THSD7A: variants seen among roughly 807,000 people sequenced by gnomAD.
THSD7A encodes the protein thrombospondin type 1 domain containing 7A.
A neutral mutation model predicts 231.3 loss-of-function variants in THSD7A; 96 were observed. The observed-to-expected ratio is 0.41, with a 90% confidence interval of 0.35 to 0.49. The LOEUF (loss-of-function observed/expected upper bound fraction) is 0.49, where lower values mean the gene tolerates loss of function less well. Among genes scored for constraint, THSD7A ranks in the 20% least tolerant of loss-of-function variants. THSD7A has a pLI of 0.05. For missense variants in THSD7A, 2,290 were observed against 2,070.2 expected (o/e 1.11, Z -2.06); for synonymous variants, 940 against 743.3 (o/e 1.26, Z -4.30).
Position 11,371,743 on chromosome 7 carries a change from C to CTTTTTTTTTTTTT in THSD7A, c.*4038_*4050dup, listed in dbSNP as rs530610921. 9.8e-6 allele frequency: 1 copy of CTTTTTTTTTTTTT among 101,856 alleles called. No homozygotes were observed. Among genetic ancestry groups the CTTTTTTTTTTTTT allele is most frequent in the African/African-American group, 3.8e-5 (1 of 26,514 alleles). 6.3% of individuals were successfully genotyped at this position (101,856 alleles called of 1,614,324 possible). Reference sequence around the variant, plus strand: ...GCATGGACATTTTTACAGAAAAGGGCTTTTTTTTTTTTTTTTTTCCTGCAT... The same window carrying CTTTTTTTTTTTTT: ...GCATGGACATTTTTACAGAAAAGGGCTTTTTTTTTTTTTTTTTTTTTTTTTTTTTTTCCTGCAT... On this transcript the variant is annotated 3_prime_UTR_variant, in exon 28 of 28. Transcript: ENST00000423059.
intron 17 of THSD7A, among the ~76,000 whole-genome samples, 176 bp downstream of exon 17, chr7:11,417,273 CT>C (rs1298375736): frequency 6.6e-6 from 1 of 152,140 alleles, no homozygotes; most frequent in African/African-American, 2.4e-5. Flanking sequence ...ACATTACAGA[CT>C]TTAAATAGCA....
chr7:11,582,501 G>C (rs1025801777), intron 4 of THSD7A, among the ~76,000 whole-genome samples: 1 of 151,920 alleles, frequency 6.6e-6, no homozygotes, highest in African/African-American at 2.4e-5. Flanking sequence ...TGCTTAATTA[G>C]ACTATCCATG....
At chr7:11,798,221 G>A (rs1346558911) in intron 1 of THSD7A, among the ~76,000 whole-genome samples, 3 of 151,982 alleles carry the variant, frequency 2.0e-5, no homozygotes, top group East Asian at 1.9e-4. Context: ...AAATAAATAC[G>A]CAATTTGGGA....
intron 6 of THSD7A, among the ~76,000 whole-genome samples, chr7:11,486,843 T>A (rs1786679791): frequency 1.3e-5 from 2 of 152,192 alleles, no homozygotes; most frequent in Non-Finnish European, 1.5e-5. Flanking sequence ...TACAGAACAT[T>A]TATAAAACAG....
In THSD7A at chr7:11,446,068, G is replaced by T; in HGVS notation, c.3057C>A (p.Asn1019Lys). 1 of 1,613,208 alleles carries T rather than the reference G, an allele frequency of 6.2e-7. No individual in the cohort carries two copies. Among genetic ancestry groups the T allele is most frequent in the South Asian group, 1.1e-5 (1 of 91,054 alleles). The change falls in exon 13 of 28, where the codon AAC becomes AAA. Residue 1019 changes from asparagine to lysine, a missense_variant. Transcript: ENST00000423059. This position sits in a 1 kb window ranked among gnomAD's most constrained non-coding sequence, Gnocchi z 4.0. The part of the protein sequence containing the change: ...NGRLVETSRC[N>K]SHGYIEEACI... ...CAATGAAGATTGAATTACCATGGCTGTTACATCTAGATGTTTCCACAAGCC... is the reference window on the plus strand; with the variant it reads ...CAATGAAGATTGAATTACCATGGCTTTTACATCTAGATGTTTCCACAAGCC...
Position 11,754,240 on chromosome 7 carries a change from A to G in THSD7A, c.190+77517T>C, listed in dbSNP as rs145682183. On this transcript the variant is annotated intron_variant, in intron 1 of 27. Coordinates refer to ENST00000423059, the MANE Select transcript of THSD7A (RefSeq NM_015204.3). ...AAATGTTGTCTCTGAAAAATAGAGA[A>G]TATCAATAAAGAGACTGAAATGATA... Among the ~76,000 whole-genome samples, 64 of 152,176 alleles carry G rather than the reference A, an allele frequency of 4.2e-4. 1 individual carries two copies. The East Asian group carries it at 9.1e-3, about 22-fold the overall frequency.
At chr7:11,769,457 C>T (rs922189609) in intron 1 of THSD7A, among the ~76,000 whole-genome samples, 2 of 151,766 alleles carry the variant, frequency 1.3e-5, no homozygotes, top group Non-Finnish European at 2.9e-5. Flanking sequence ...CACCAGTGGG[C>T]TGCCATTTCA....
At chr7:11,667,950 TA>T (rs1189268069) in intron 1 of THSD7A, among the ~76,000 whole-genome samples, 2 of 152,184 alleles carry the variant, frequency 1.3e-5, no homozygotes, top group Non-Finnish European at 2.9e-5. Context: ...TCTTTTAGAA[TA>T]AGAAGAGGCT....
Position 11,488,157 on chromosome 7 carries a change from T to C in THSD7A, c.1823-6175A>G, listed in dbSNP as rs1000030685. Among the ~76,000 whole-genome samples the C allele has an allele frequency of 3.9e-5, 6 of 152,302 alleles. No individual in the cohort carries two copies. In the South Asian group the frequency reaches 1.2e-3, roughly 32 times the overall value. On this transcript the variant is annotated intron_variant, in intron 6 of 27. Transcript: ENST00000423059. ...TGTAATTTTGAGATTAGATTTCTCTTGCCAGATCTATACAAAATCCGGAGT... is the reference window on the plus strand; with the variant it reads ...TGTAATTTTGAGATTAGATTTCTCTCGCCAGATCTATACAAAATCCGGAGT...
chr7:11,663,960 TAATA>T (rs552802948), intron 1 of THSD7A, among the ~76,000 whole-genome samples: 149 of 151,814 alleles, frequency 9.8e-4, no homozygotes, highest in African/African-American at 3.6e-3. Context: ...TAATTTAAAA[TAATA>T]AATAAGGATA....
rs1182213210 is a variant in THSD7A at position 11,637,099 on chromosome 7, G to C, written c.191-138C>G. ...ACAAAGTAGGTCTCTGGACACGACT[G>C]TTGGAAAGTAATGATCCTCGCTAAG... On this transcript the variant is annotated intron_variant, in intron 1 of 27. Transcript: ENST00000423059. The surrounding 1 kb of genome is among the most constrained non-coding windows in gnomAD (Gnocchi z 4.2). The C allele has an allele frequency of 1.3e-6, 1 of 767,190 alleles. No individual in the cohort carries two copies. Among genetic ancestry groups the C allele is most frequent in the Non-Finnish European group, 2.1e-6 (1 of 487,588 alleles). 47.5% of individuals were successfully genotyped at this position (767,190 alleles called of 1,614,324 possible). A position where few individuals can be genotyped will look rare whatever the true frequency, so the allele number is the denominator to read the frequency against.
At chr7:11,619,002 T>A (rs1781215253) in intron 2 of THSD7A, among the ~76,000 whole-genome samples, 1 of 151,962 alleles carries the variant, frequency 6.6e-6, no homozygotes, top group Admixed American at 6.6e-5. Flanking sequence ...TAGTAATACA[T>A]AAAATTTAAA....
intron 1 of THSD7A, among the ~76,000 whole-genome samples, chr7:11,759,021 G>A (rs1353068121): frequency 6.6e-6 from 1 of 152,006 alleles, no homozygotes; most frequent in Non-Finnish European, 1.5e-5. Context: ...CTTCTGGTAA[G>A]GATCCAGGGA....
At chr7:11,775,884 T>G (rs947035113) in intron 1 of THSD7A, among the ~76,000 whole-genome samples, 1 of 152,176 alleles carries the variant, frequency 6.6e-6, no homozygotes, top group South Asian at 2.1e-4. Context: ...GAAATCAAAC[T>G]AAATATTCCA....
At position 11,674,644 on chromosome 7, in the gene THSD7A, G is replaced by A. The variant is rs117092741; in HGVS notation, c.191-37683C>T. On this transcript the variant is annotated intron_variant, in intron 1 of 27. Coordinates refer to ENST00000423059, the MANE Select transcript of THSD7A (RefSeq NM_015204.3). ...AGCCAATTGATTATACACAACATAC[G>A]CCATAATCATACTCACAAGGGAGAC... Among the ~76,000 whole-genome samples, 164 of 152,118 alleles carry A rather than the reference G, an allele frequency of 1.1e-3. 2 individuals carry two copies. The East Asian group carries it at 0.017, about 15-fold the overall frequency.
chr7:11,587,956 A>G (rs1779983236), intron 4 of THSD7A, among the ~76,000 whole-genome samples: 1 of 152,174 alleles, frequency 6.6e-6, no homozygotes, highest in South Asian at 2.1e-4. Context: ...CAAGTCATCT[A>G]GAGAACACAT....
rs544533602 is a variant in THSD7A, at chr7:11,513,137, A to G, written c.1822+28282T>C. Among the ~76,000 whole-genome samples, 3 of 151,386 alleles carry G rather than the reference A, an allele frequency of 2.0e-5. No homozygotes were observed. In the East Asian group the frequency reaches 5.9e-4, roughly 30 times the overall value. On this transcript the variant is annotated intron_variant, in intron 6 of 27. Coordinates refer to ENST00000423059, the MANE Select transcript of THSD7A (RefSeq NM_015204.3). ...GATGCAAAGCCATAAGAATGATACA[A>G]TGGACTTTGGGGACTTGGGGGGAAG...
chr7:11,711,277 G>A (rs1780953879), intron 1 of THSD7A, among the ~76,000 whole-genome samples: 1 of 150,862 alleles, frequency 6.6e-6, no homozygotes, highest in Non-Finnish European at 1.5e-5. Context: ...AGGAATGAAG[G>A]AGCTTGTTGG....
chr7:11,741,894 T>C (rs1422928450), intron 1 of THSD7A, among the ~76,000 whole-genome samples: 4 of 151,946 alleles, frequency 2.6e-5, no homozygotes, highest in Non-Finnish European at 5.9e-5. Flanking sequence ...GTATATACAC[T>C]GTTTCATATG....
Sources: allele counts gnomAD v4.1 joint callset (sites outside exome capture counted in the v4.1 genomes callset), GRCh38; gene constraint gnomAD v4.1.1; non-coding constraint Gnocchi (gnomAD v3.1); transcripts MANE v1.5; gene names NCBI Gene and HGNC (gene_info 2026-07-23, HGNC 2026-07-21).